Variants in NRG1 observed in about 807,000 individuals in gnomAD.
NRG1 encodes the protein neuregulin 1, also known as pro-neuregulin-1, membrane-bound isoform.
In NRG1, 18 loss-of-function variants were observed where a neutral mutation model predicts 63.8. The ratio of observed to expected loss-of-function variants is 0.28; its 90% CI spans 0.19 to 0.42. The LOEUF (loss-of-function observed/expected upper bound fraction) is 0.42, where lower values mean the gene tolerates loss of function less well. NRG1 is among the 10% of genes least tolerant of loss of function. The pLI, the probability that NRG1 is intolerant of heterozygous loss-of-function variation, is 1.00. For missense variants in NRG1, 762 were observed against 814.7 expected, an observed-to-expected ratio of 0.94 and a Z score of 0.79; for synonymous variants, 302 against 301.3, an observed-to-expected ratio of 1.00 and a Z score of -0.02.
At chr8:32,187,423 G>A (rs1842072553) in intron 1 of NRG1, among the ~76,000 whole-genome samples, 1 of 152,008 alleles carries the variant, frequency 6.6e-6, no homozygotes, top group African/African-American at 2.4e-5. Context: ...ATAATTAAGG[G>A]CAAGCATTTT....
At chr8:32,390,958 C>T (rs893174866) in intron 1 of NRG1, among the ~76,000 whole-genome samples, 1 of 152,120 alleles carries the variant, frequency 6.6e-6, no homozygotes, top group Non-Finnish European at 1.5e-5. Flanking sequence ...GACAGCTACT[C>T]CAAAGTATCA....
intron 1 of NRG1, among the ~76,000 whole-genome samples, chr8:31,749,470 G>A (rs2131447350): frequency 6.6e-6 from 1 of 151,912 alleles, no homozygotes; most frequent in East Asian, 1.9e-4. Context: ...GATTGAAGAA[G>A]TGTAGAGGGA....
intron 1 of NRG1, among the ~76,000 whole-genome samples, chr8:32,104,992 G>C (rs6468082): frequency 0.68 from 103,675 of 151,810 alleles, 35,685 homozygotes; most frequent in Admixed American, 0.8. Flanking sequence ...ATACATAAGC[G>C]AATAACAGTT....
chr8:32,042,941 C>G (rs1341302151), intron 1 of NRG1, among the ~76,000 whole-genome samples: 2 of 81,554 alleles, frequency 2.5e-5, no homozygotes, highest in Non-Finnish European at 6.0e-5. Flanking sequence ...TTTGAAAATC[C>G]AGAAAGGTAG....
chr8:32,484,291 T>C (rs1825665326), intron 1 of NRG1, among the ~76,000 whole-genome samples: 2 of 152,160 alleles, frequency 1.3e-5, no homozygotes, highest in Non-Finnish European at 2.9e-5. Flanking sequence ...CATCCACCTT[T>C]ATGCTGTCAG....
At chr8:31,947,949 A>AC (rs1416926505) in intron 1 of NRG1, among the ~76,000 whole-genome samples, 1 of 149,152 alleles carries the variant, frequency 6.7e-6, no homozygotes, top group African/African-American at 2.5e-5. Flanking sequence ...CATCTCAAAA[A>AC]AAAAAAAAAA....
At chr8:32,719,737 T>C (rs1196348633) in intron 5 of NRG1, among the ~76,000 whole-genome samples, 1 of 152,020 alleles carries the variant, frequency 6.6e-6, no homozygotes, top group African/African-American at 2.4e-5. Context: ...ATTCTAGCCC[T>C]AGCTCCCTTT....
At chr8:31,953,821 G>A (rs1195441748) in intron 1 of NRG1, among the ~76,000 whole-genome samples, 2 of 152,164 alleles carry the variant, frequency 1.3e-5, no homozygotes, top group Non-Finnish European at 2.9e-5. Context: ...CATCAAGAAT[G>A]GAGAAAGAGA....
chr8:32,346,403 A>G (rs183793294), intron 1 of NRG1, among the ~76,000 whole-genome samples: 148 of 151,572 alleles, frequency 9.8e-4, no homozygotes, highest in African/African-American at 3.5e-3. Context: ...CACTGTTAAC[A>G]TTTGTTATTT....
At chr8:31,723,475 G>A (rs750860384) in intron 1 of NRG1, among the ~76,000 whole-genome samples, 16 of 152,028 alleles carry the variant, frequency 1.1e-4, no homozygotes, top group Non-Finnish European at 2.2e-4. Context: ...TCGAGATGGA[G>A]TCTTATTATG....
chr8:32,064,201 T>C (rs566095831), intron 1 of NRG1, among the ~76,000 whole-genome samples: 15 of 152,122 alleles, frequency 9.9e-5, no homozygotes, highest in African/African-American at 3.6e-4. Context: ...AAAGGAGAAG[T>C]CATCGGCTAA....
chr8:31,975,865 A>G (rs1362510876), intron 1 of NRG1, among the ~76,000 whole-genome samples: 1 of 152,216 alleles, frequency 6.6e-6, no homozygotes, highest in African/African-American at 2.4e-5. Flanking sequence ...CTATAAATAC[A>G]TAATTATTCA....
intron 1 of NRG1, among the ~76,000 whole-genome samples, chr8:31,753,822 T>C (rs1173310236): frequency 6.6e-6 from 1 of 152,078 alleles, no homozygotes; most frequent in Non-Finnish European, 1.5e-5. Context: ...CAACTATTAG[T>C]TATTATTTTA....
intron 1 of NRG1, among the ~76,000 whole-genome samples, chr8:31,825,700 G>A (rs1022189340): frequency 6.6e-6 from 1 of 152,114 alleles, no homozygotes; most frequent in African/African-American, 2.4e-5. Flanking sequence ...ACAAAGCTTG[G>A]ATGGCAAGTT....
intron 1 of NRG1, among the ~76,000 whole-genome samples, chr8:31,872,774 A>T (rs1429844145): frequency 6.6e-6 from 1 of 152,238 alleles, no homozygotes; most frequent in Non-Finnish European, 1.5e-5. Context: ...AACATTTTGA[A>T]AACAGTGCTA....
At chr8:32,518,088 C>T (rs1830007865) in intron 1 of NRG1, among the ~76,000 whole-genome samples, 1 of 152,034 alleles carries the variant, frequency 6.6e-6, no homozygotes, top group South Asian at 2.1e-4. Flanking sequence ...TATTTATTTC[C>T]ATATCTCACA....
At chr8:32,408,862 G>A (rs1218442864) in intron 1 of NRG1, among the ~76,000 whole-genome samples, 9 of 151,958 alleles carry the variant, frequency 5.9e-5, no homozygotes, top group Non-Finnish European at 8.8e-5. Context: ...TACCTATTAC[G>A]TAACTTGTCA....
intron 1 of NRG1, among the ~76,000 whole-genome samples, chr8:32,554,986 C>G (rs769695806): frequency 7.2e-5 from 11 of 151,794 alleles, no homozygotes; most frequent in Non-Finnish European, 1.3e-4. Flanking sequence ...AACAGAGTCC[C>G]GATTCCATAC....
At chr8:31,927,544 G>T (rs1350862368) in intron 1 of NRG1, among the ~76,000 whole-genome samples, 20 of 142,290 alleles carry the variant, frequency 1.4e-4, no homozygotes, top group Admixed American at 7.4e-5. Context: ...CGCCTCCGGG[G>T]TTCACGCCAT....
Sources: gnomAD v4.1 joint callset for allele counts (sites outside exome capture counted in the v4.1 genomes callset) on GRCh38, gnomAD v4.1.1 for gene constraint, MANE v1.5 for transcripts, NCBI Gene and HGNC (gene_info 2026-07-23, HGNC 2026-07-21) for gene names.